The following KIAA2012 variants were observed in gnomAD, a reference collection of about 807,000 sequenced individuals.
KIAA2012 encodes KIAA2012.
A neutral mutation model predicts 150.6 loss-of-function variants in KIAA2012; 125 were observed. The observed-to-expected ratio is 0.83, with a 90% CI of 0.72 to 0.96. KIAA2012 has a LOEUF of 0.96. KIAA2012 is among the 40% of genes least tolerant of loss of function. KIAA2012 has a pLI of 0.00. For missense variants in KIAA2012, 1,219 were observed against 1,354.9 expected, an observed-to-expected ratio of 0.90 and a Z score of 1.57; for synonymous variants, 462 against 504.7, an observed-to-expected ratio of 0.92 and a Z score of 1.13.
intron 13 of KIAA2012, among the ~76,000 whole-genome samples, chr2:202,141,811 C>A (rs1206829545): frequency 6.6e-6 from 1 of 152,124 alleles, no homozygotes; most frequent in Non-Finnish European, 1.5e-5. Flanking sequence ...TTCCTCTCCC[C>A]CAAGGCCTCT....
chr2:202,129,488 G>A (rs1197927864), intron 12 of KIAA2012, among the ~76,000 whole-genome samples: 3 of 152,106 alleles, frequency 2.0e-5, no homozygotes, highest in Admixed American at 2.0e-4. Context: ...CTAAAGTGCT[G>A]GGATTACAGG....
chr2:202,092,485 T>C (rs1460496292), intron 3 of KIAA2012, among the ~76,000 whole-genome samples: 1 of 152,230 alleles, frequency 6.6e-6, no homozygotes, highest in Non-Finnish European at 1.5e-5. Flanking sequence ...TATATTACAC[T>C]GACACTCAGA....
intron 13 of KIAA2012, among the ~76,000 whole-genome samples, chr2:202,153,505 C>T (rs1188973888): frequency 1.3e-5 from 2 of 152,212 alleles, no homozygotes; most frequent in African/African-American, 4.8e-5. Context: ...GCAGATAGAC[C>T]TTAGAACCTT....
intron 13 of KIAA2012, among the ~76,000 whole-genome samples, chr2:202,139,249 A>G (rs1406907897): frequency 1.3e-5 from 2 of 152,058 alleles, no homozygotes; most frequent in Admixed American, 6.6e-5. Context: ...AAAAAAAAAA[A>G]AAAGAATATC....
chr2:202,118,218 T>C (rs1690573659), intron 11 of KIAA2012, among the ~76,000 whole-genome samples: 1 of 152,182 alleles, frequency 6.6e-6, no homozygotes, highest in Non-Finnish European at 1.5e-5. Flanking sequence ...CTGCCCCTTG[T>C]GCCTTTTCAG....
At chr2:202,192,058 A>G (rs1379519892) in intron 19 of KIAA2012, among the ~76,000 whole-genome samples, 10 of 152,218 alleles carry the variant, frequency 6.6e-5, no homozygotes, top group Admixed American at 6.5e-4. Context: ...ATTTTCCTTT[A>G]TAGTTCTCAG....
intron 12 of KIAA2012, 117 bp from the exon 13 acceptor site, chr2:202,138,315 G>T (rs748417194): frequency 7.8e-5 from 59 of 753,414 alleles, no homozygotes; most frequent in Non-Finnish European, 1.3e-4. Flanking sequence ...GTGTATATGT[G>T]CTTATAATCT....
At chr2:202,155,426 A>T in intron 14 of KIAA2012, among the ~76,000 whole-genome samples, 1 of 152,084 alleles carries the variant, frequency 6.6e-6, no homozygotes, top group Non-Finnish European at 1.5e-5. Flanking sequence ...ATGCTCCATG[A>T]ATTGGCCCAT....
chr2:202,174,331 T>C (rs1367058013), intron 15 of KIAA2012, among the ~76,000 whole-genome samples: 2 of 152,120 alleles, frequency 1.3e-5, no homozygotes, highest in Admixed American at 6.5e-5. Context: ...CTATTCAACA[T>C]TGTACTAGCA....
At chr2:202,100,262 C>T in intron 6 of KIAA2012, 45 bp from the exon 7 acceptor site, 1 of 1,529,348 alleles carries the variant, frequency 6.5e-7, no homozygotes. Flanking sequence ...TGTTCATCCC[C>T]CTACCTGCAA....
At chr2:202,200,753 C>G (rs1231541060) in intron 22 of KIAA2012, among the ~76,000 whole-genome samples, 1 of 136,546 alleles carries the variant, frequency 7.3e-6, no homozygotes, top group African/African-American at 2.8e-5. Context: ...GTTGCCCAGG[C>G]TGGAGTGCAA....
intron 5 of KIAA2012, 109 bp from the exon 6 acceptor site, chr2:202,099,504 G>C (rs1222060286): frequency 5.7e-6 from 5 of 875,068 alleles, no homozygotes; most frequent in Non-Finnish European, 8.4e-6. Flanking sequence ...ACCTGCAAAA[G>C]AAATTTCATC....
At chr2:202,171,056 C>T (rs1354679637) in intron 15 of KIAA2012, among the ~76,000 whole-genome samples, 1 of 151,736 alleles carries the variant, frequency 6.6e-6, no homozygotes, top group African/African-American at 2.4e-5. Context: ...AAAGAGGGTT[C>T]GCCCCCCACG....
chr2:202,182,268 C>T lies in KIAA2012; in HGVS notation c.2120-2485C>T, dbSNP rs1007774195. ...CTGGGATTACAGGCTTGCACCACCA[C>T]GCCCAGCTAATTTTGTATTTTTACT... On this transcript the variant is annotated intron_variant, in intron 15 of 23. Transcript: ENST00000498697. Among the ~76,000 whole-genome samples the T allele has an allele frequency of 6.6e-5, 10 of 151,880 alleles. No homozygotes were observed. In the South Asian group the frequency reaches 1.0e-3, roughly 16 times the overall value.
chr2:202,128,511 A>G (rs1329575235), intron 12 of KIAA2012, among the ~76,000 whole-genome samples: 1 of 151,398 alleles, frequency 6.6e-6, no homozygotes, highest in African/African-American at 2.4e-5. Flanking sequence ...GGCTCAAGCC[A>G]TCTTCTCACC....
At chr2:202,131,283 G>A (rs1228741662) in intron 12 of KIAA2012, among the ~76,000 whole-genome samples, 2 of 152,136 alleles carry the variant, frequency 1.3e-5, no homozygotes, top group Admixed American at 6.5e-5. Flanking sequence ...GGGATTACAG[G>A]CGCACGCCAC....
chr2:202,202,931 GAA>G (rs34202403), intron 23 of KIAA2012, among the ~76,000 whole-genome samples: 14,711 of 125,964 alleles, frequency 0.12, 931 homozygotes, highest in Admixed American at 0.15. Context: ...TGTCTCTTAA[GAA>G]AAAAAAAAAA....
At chr2:202,146,000 A>G (rs1016592388) in intron 13 of KIAA2012, among the ~76,000 whole-genome samples, 4 of 152,040 alleles carry the variant, frequency 2.6e-5, no homozygotes, top group Non-Finnish European at 5.9e-5. Flanking sequence ...GTCTTTTTAA[A>G]TGGTAAAAAC....
intron 8 of KIAA2012, among the ~76,000 whole-genome samples, chr2:202,103,941 G>A (rs914092514): frequency 1.3e-5 from 2 of 152,188 alleles, no homozygotes; most frequent in African/African-American, 4.8e-5. Flanking sequence ...GGCAAAAAGT[G>A]TCCTAGTTTT....
Sources: allele counts gnomAD v4.1 joint callset (sites outside exome capture counted in the v4.1 genomes callset), GRCh38; gene constraint gnomAD v4.1.1; transcripts MANE v1.5; gene names NCBI Gene and HGNC (gene_info 2026-07-23, HGNC 2026-07-21).